Variants in FARS2 observed in about 807,000 individuals in gnomAD.
FARS2 encodes phenylalanyl-tRNA synthetase 2, mitochondrial.
A neutral mutation model predicts 46.4 loss-of-function variants in FARS2; 40 were observed. The ratio of observed to expected loss-of-function variants is 0.86; its 90% CI spans 0.67 to 1.12. FARS2 has a LOEUF of 1.12. Among genes scored for constraint, FARS2 ranks in the 50% most tolerant of loss-of-function variants. The pLI, the probability that FARS2 is intolerant of heterozygous loss-of-function variation, is 0.00. For missense variants in FARS2, 513 were observed against 567.9 expected (o/e 0.90, Z 0.98); for synonymous variants, 234 against 214.9 (o/e 1.09, Z -0.78).
chr6:5,651,073 G>T (rs1288541587), intron 6 of FARS2, among the ~76,000 whole-genome samples: 1 of 152,190 alleles, frequency 6.6e-6, no homozygotes, highest in Non-Finnish European at 1.5e-5. Flanking sequence ...AAAGGGTTTG[G>T]TTTTTTCCCT....
chr6:5,542,700 A>T (rs1239416573), intron 4 of FARS2, among the ~76,000 whole-genome samples: 1 of 152,178 alleles, frequency 6.6e-6, no homozygotes, highest in Non-Finnish European at 1.5e-5. Context: ...AAAAACTACC[A>T]AACTGTTTTT....
chr6:5,410,145 T>C (rs560271631), intron 3 of FARS2, among the ~76,000 whole-genome samples: 3 of 131,526 alleles, frequency 2.3e-5, no homozygotes, highest in East Asian at 4.6e-4. Flanking sequence ...TTGTTCGTTT[T>C]TGTGTTTTTT....
rs1336530319 is a variant in FARS2 at position 5,756,281 on chromosome 6, C to T, written c.1218-15010C>T. ...CCTTGCTTTCTTATTATCTCCTCAG[C>T]TACCTACTTTTTTATAAAGTCACTA... On this transcript the variant is annotated intron_variant, in intron 6 of 6. Coordinates refer to ENST00000274680, the MANE Select transcript of FARS2 (RefSeq NM_006567.5). Among the ~76,000 whole-genome samples the T allele has an allele frequency of 2.0e-5, 3 of 152,204 alleles. No homozygotes were observed. The East Asian group carries it at 5.8e-4, about 29-fold the overall frequency.
intron 6 of FARS2, among the ~76,000 whole-genome samples, chr6:5,726,170 C>G (rs1561823404): frequency 6.7e-6 from 1 of 148,240 alleles, no homozygotes; most frequent in Admixed American, 6.8e-5. Context: ...TTTTTAGAAT[C>G]TTTTTTTTTT....
At chr6:5,662,196 T>C (rs1777881691) in intron 6 of FARS2, among the ~76,000 whole-genome samples, 1 of 152,232 alleles carries the variant, frequency 6.6e-6, no homozygotes, top group Non-Finnish European at 1.5e-5. Flanking sequence ...ATTTTCATTC[T>C]TTTTTTCTTT....
At chr6:5,616,733 A>G (rs1561755071) in intron 6 of FARS2, among the ~76,000 whole-genome samples, 1 of 152,178 alleles carries the variant, frequency 6.6e-6, no homozygotes, top group Non-Finnish European at 1.5e-5. Flanking sequence ...GAGATGCTCA[A>G]CCTACAGAAA....
At chr6:5,472,537 C>T (rs6908887) in intron 4 of FARS2, among the ~76,000 whole-genome samples, 3,327 of 152,274 alleles carry the variant, frequency 0.022, 132 homozygotes, top group African/African-American at 0.076. Context: ...GAATTAATCA[C>T]GGTTTGATTA....
chr6:5,607,926 T>C (rs919950816), intron 5 of FARS2, among the ~76,000 whole-genome samples: 6 of 151,312 alleles, frequency 4.0e-5, no homozygotes, highest in Non-Finnish European at 7.4e-5. Flanking sequence ...AGAGGTCATA[T>C]ACCTTTCAAA....
In FARS2 at chr6:5,767,661, A is replaced by G. The variant is rs1762823449; in HGVS notation, c.1218-3630A>G. On this transcript the variant is annotated intron_variant, in intron 6 of 6. Coordinates refer to ENST00000274680, the MANE Select transcript of FARS2 (RefSeq NM_006567.5). ...ATGGTCTTTGTGCCTCAGTTTCCTC[A>G]TCTGTATAATGGGTCAGTAATGCTG... Among the ~76,000 whole-genome samples the G allele has an allele frequency of 3.9e-5, 6 of 152,132 alleles. No individual in the cohort carries two copies. In the South Asian group the frequency reaches 1.2e-3, roughly 32 times the overall value.
At chr6:5,726,332 G>C (rs1459369151) in intron 6 of FARS2, among the ~76,000 whole-genome samples, 1 of 152,144 alleles carries the variant, frequency 6.6e-6, no homozygotes, top group Non-Finnish European at 1.5e-5. Flanking sequence ...GTGCCAGGGG[G>C]CTCCTAGATG....
At chr6:5,512,736 T>C (rs1055747485) in intron 4 of FARS2, among the ~76,000 whole-genome samples, 2 of 151,974 alleles carry the variant, frequency 1.3e-5, no homozygotes, top group Non-Finnish European at 2.9e-5. Flanking sequence ...ACAAACACTT[T>C]CATGCATTCA....
At chr6:5,315,758 C>CT (rs70974189) in intron 1 of FARS2, among the ~76,000 whole-genome samples, 2 of 151,546 alleles carry the variant, frequency 1.3e-5, no homozygotes, top group African/African-American at 2.4e-5. Flanking sequence ...TTCTTTCTTT[C>CT]TTTTTTTTGG....
At position 5,727,281 on chromosome 6, in the gene FARS2, A is replaced by G. The variant is rs181756329; in HGVS notation, c.1218-44010A>G. ...AATGCAGCCTCCTCTATGAGGTTGG[A>G]CCCCGTTCCTCTGCACAGAACTTTC... is the stretch of plus-strand genomic sequence containing the variant. On this transcript the variant is annotated intron_variant, in intron 6 of 6. Transcript: ENST00000274680. The surrounding 1 kb of genome is among the most constrained non-coding windows in gnomAD (Gnocchi z 4.1). Among the ~76,000 whole-genome samples, 13 of 152,114 alleles carry G rather than the reference A, an allele frequency of 8.5e-5. No homozygotes were observed. The highest frequency in any genetic ancestry group is 3.1e-4 in the African/African-American group (13 of 41,472).
At chr6:5,655,794 G>A (rs1424458962) in intron 6 of FARS2, among the ~76,000 whole-genome samples, 4 of 152,168 alleles carry the variant, frequency 2.6e-5, no homozygotes, top group Admixed American at 1.3e-4. Flanking sequence ...GTCTTTGGAG[G>A]ATCATTCTTT....
chr6:5,472,800 C>T (rs982203208), intron 4 of FARS2, among the ~76,000 whole-genome samples: 2 of 152,044 alleles, frequency 1.3e-5, no homozygotes, highest in Admixed American at 6.6e-5. Flanking sequence ...TTTGTTTGCT[C>T]AATATTCTGC....
intron 4 of FARS2, among the ~76,000 whole-genome samples, chr6:5,482,951 T>C (rs1445956022): frequency 6.6e-6 from 1 of 152,148 alleles, no homozygotes; most frequent in Non-Finnish European, 1.5e-5. Flanking sequence ...TTGGAAGGAA[T>C]TGCTGGAGCT....
intron 4 of FARS2, among the ~76,000 whole-genome samples, chr6:5,521,560 A>G (rs570615374): frequency 1.2e-4 from 18 of 152,308 alleles, no homozygotes; most frequent in Admixed American, 6.5e-4. Context: ...TTCTTCCTGT[A>G]ATAGAAAGCC....
At chr6:5,758,553 G>A (rs747323001) in intron 6 of FARS2, among the ~76,000 whole-genome samples, 6 of 152,178 alleles carry the variant, frequency 3.9e-5, no homozygotes, top group Non-Finnish European at 7.3e-5. Context: ...GGAGCTCTAA[G>A]CTGAGAATCC....
At chr6:5,588,683 G>A (rs1201846407) in intron 5 of FARS2, among the ~76,000 whole-genome samples, 1 of 152,140 alleles carries the variant, frequency 6.6e-6, no homozygotes, top group Admixed American at 6.5e-5. Flanking sequence ...TCCATCATAG[G>A]ACTCTTTCTC....
Sources: allele counts gnomAD v4.1 joint callset (sites outside exome capture counted in the v4.1 genomes callset), GRCh38; gene constraint gnomAD v4.1.1; non-coding constraint Gnocchi (gnomAD v3.1); transcripts MANE v1.5; gene names NCBI Gene and HGNC (gene_info 2026-07-23, HGNC 2026-07-21).